The following SORCS1 variants were observed in gnomAD, a reference collection of about 807,000 sequenced individuals.
SORCS1 encodes the protein VPS10 domain-containing receptor SorCS1.
SORCS1 carries 60 observed loss-of-function variants against 146.1 expected under a neutral mutation model. That is an observed-to-expected ratio of 0.41 (90% CI 0.33 to 0.51). The LOEUF is 0.51. Among genes scored for constraint, SORCS1 ranks in the 20% least tolerant of loss-of-function variants. The pLI is 0.21. For missense variants in SORCS1, 1,352 were observed against 1,487.6 expected, an observed-to-expected ratio of 0.91 and a Z score of 1.50; for synonymous variants, 637 against 584.0, an observed-to-expected ratio of 1.09 and a Z score of -1.31.
At chr10:107,150,820 T>A (rs1968728065) in intron 1 of SORCS1, among the ~76,000 whole-genome samples, 1 of 152,184 alleles carries the variant, frequency 6.6e-6, no homozygotes, top group African/African-American at 2.4e-5. Flanking sequence ...CCTGCTGCCA[T>A]GTGAAGAAGG....
chr10:106,617,099 C>T (rs1321847630), intron 21 of SORCS1, among the ~76,000 whole-genome samples: 4 of 152,128 alleles, frequency 2.6e-5, no homozygotes, highest in South Asian at 2.1e-4. Context: ...GGATTACAGG[C>T]ATGTTCCACC....
intron 1 of SORCS1, among the ~76,000 whole-genome samples, chr10:107,107,452 T>C (rs1358903649): frequency 2.6e-5 from 4 of 152,168 alleles, no homozygotes; most frequent in Non-Finnish European, 5.9e-5. Context: ...AAGGTAGAAT[T>C]TGTGAGCAAG....
chr10:106,819,581 A>G (rs1219549163), intron 3 of SORCS1, among the ~76,000 whole-genome samples: 1 of 152,168 alleles, frequency 6.6e-6, no homozygotes, highest in Non-Finnish European at 1.5e-5. Context: ...AGAGAGCATT[A>G]AAAGGACAAA....
chr10:107,164,195 C>T lies in SORCS1; in HGVS notation c.332G>A (p.Ser111Asn). The change falls in exon 1 of 26, where the codon AGC becomes AAC. Residue 111 changes from serine to asparagine, a missense_variant. Around this residue, in one of 3 missense-constraint regions of SORCS1, gnomAD observed 490 missense variants for 489.1 expected, o/e 1.00. Transcript: ENST00000263054. The surrounding 1 kb of genome is among the most constrained non-coding windows in gnomAD (Gnocchi z 6.8). Reference sequence around the variant, plus strand: ...TTCTGCCTTCTCCTGATCCGCTCCGCTCCGTCTCCTCCGGCCGGAGCGTGC... The same window carrying T: ...TTCTGCCTTCTCCTGATCCGCTCCGTTCCGTCTCCTCCGGCCGGAGCGTGC... ...VAARSGRRRR[S>N]GADQEKAERG... The T allele has an allele frequency of 6.2e-7, 1 of 1,610,824 alleles. No individual in the cohort carries two copies. The highest frequency in any genetic ancestry group is 8.5e-7 in the Non-Finnish European group (1 of 1,179,956).
intron 8 of SORCS1, among the ~76,000 whole-genome samples, chr10:106,703,185 A>T (rs759659661): frequency 3.3e-5 from 5 of 152,038 alleles, no homozygotes; most frequent in Admixed American, 1.3e-4. Context: ...TTTAAAAAAA[A>T]AAAAAATAAA....
intron 5 of SORCS1, among the ~76,000 whole-genome samples, chr10:106,759,351 A>AT (rs1223898021): frequency 6.6e-6 from 1 of 152,212 alleles, no homozygotes; most frequent in African/African-American, 2.4e-5. Context: ...TGAATAAAGG[A>AT]TATTTAAACT....
intron 2 of SORCS1, among the ~76,000 whole-genome samples, chr10:106,895,040 A>G (rs1331763338): frequency 2.0e-5 from 3 of 152,218 alleles, no homozygotes; most frequent in African/African-American, 7.2e-5. Context: ...GAAGAAAACC[A>G]GGTAAATTTG....
intron 1 of SORCS1, among the ~76,000 whole-genome samples, chr10:107,050,047 G>T (rs2134043574): frequency 6.6e-6 from 1 of 152,248 alleles, no homozygotes; most frequent in Non-Finnish European, 1.5e-5. Context: ...GTGTTTCAAG[G>T]AATCTGGCCC....
chr10:106,834,701 G>T (rs1450325919), intron 2 of SORCS1, among the ~76,000 whole-genome samples: 2 of 152,086 alleles, frequency 1.3e-5, no homozygotes, highest in Admixed American at 6.5e-5. Flanking sequence ...AAAAGGAAAG[G>T]ATCTTAAAAT....
intron 22 of SORCS1, among the ~76,000 whole-genome samples, chr10:106,608,634 A>G (rs1393818433): frequency 6.6e-6 from 1 of 152,192 alleles, no homozygotes; most frequent in Non-Finnish European, 1.5e-5. Context: ...ACCTCCAACA[A>G]CAACCCTTTG....
intron 5 of SORCS1, among the ~76,000 whole-genome samples, chr10:106,747,419 A>T (rs1028646870): frequency 3.9e-5 from 6 of 152,170 alleles, no homozygotes; most frequent in African/African-American, 1.4e-4. Context: ...AGGGGGTCAG[A>T]TGAGATGTCT....
chr10:106,897,173 G>A (rs904528082), intron 2 of SORCS1, among the ~76,000 whole-genome samples: 5 of 150,742 alleles, frequency 3.3e-5, no homozygotes, highest in Middle Eastern at 3.5e-3. Flanking sequence ...GAGCCACCTC[G>A]CCTGGCCTGT....
chr10:107,051,169 CAAGTA>C (rs1960072676), intron 1 of SORCS1, among the ~76,000 whole-genome samples: 1 of 152,078 alleles, frequency 6.6e-6, no homozygotes. Context: ...TGGCAGCACA[CAAGTA>C]AATAGAAACA....
At chr10:107,014,285 AGAG>A (rs1423503474) in intron 1 of SORCS1, among the ~76,000 whole-genome samples, 39 of 146,424 alleles carry the variant, frequency 2.7e-4, no homozygotes, top group African/African-American at 9.7e-4. Flanking sequence ...AAAGAAAAAA[AGAG>A]AGAGAGAGAG....
chr10:106,594,082 A>G (rs1380025767), intron 24 of SORCS1, among the ~76,000 whole-genome samples: 1 of 152,198 alleles, frequency 6.6e-6, no homozygotes, highest in East Asian at 1.9e-4. Flanking sequence ...GGAGCTATAA[A>G]TCCAAGGACC....
At chr10:107,150,756 G>A (rs1968721836) in intron 1 of SORCS1, among the ~76,000 whole-genome samples, 1 of 152,182 alleles carries the variant, frequency 6.6e-6, no homozygotes, top group South Asian at 2.1e-4. Flanking sequence ...GTTCTCACGA[G>A]AACTGATGGT....
intron 1 of SORCS1, among the ~76,000 whole-genome samples, chr10:106,997,781 G>A (rs1234570734): frequency 6.6e-6 from 1 of 152,182 alleles, no homozygotes; most frequent in Non-Finnish European, 1.5e-5. Flanking sequence ...TCAAAACCAT[G>A]CTTCTCCTTG....
chr10:106,971,257 AT>A (rs2139208936), intron 1 of SORCS1, among the ~76,000 whole-genome samples: 1 of 152,330 alleles, frequency 6.6e-6, no homozygotes, highest in South Asian at 2.1e-4. Flanking sequence ...TCATGTTCAA[AT>A]CAGCATCACG....
intron 1 of SORCS1, among the ~76,000 whole-genome samples, chr10:107,026,971 C>T (rs1958433262): frequency 6.7e-6 from 1 of 149,528 alleles, no homozygotes; most frequent in Admixed American, 6.7e-5. Flanking sequence ...AATCATGCCC[C>T]AATTTATCTA....
Sources: gnomAD v4.1 joint callset for allele counts (sites outside exome capture counted in the v4.1 genomes callset) on GRCh38, gnomAD v4.1.1 for gene constraint, gnomAD v4.1.1 regional missense constraint, Gnocchi (gnomAD v3.1) non-coding constraint, MANE v1.5 for transcripts, NCBI Gene and HGNC (gene_info 2026-07-23, HGNC 2026-07-21) for gene names.